UBASH3A: variants seen among roughly 807,000 people sequenced by gnomAD.
The protein encoded by UBASH3A is ubiquitin associated and SH3 domain containing A, also known as ubiquitin-associated and SH3 domain-containing protein A.
UBASH3A carries 63 observed loss-of-function variants against 73.5 expected under a neutral mutation model. The ratio of observed to expected loss-of-function variants is 0.86; its 90% CI spans 0.70 to 1.06. The LOEUF is 1.06. Among genes scored for constraint, UBASH3A ranks in the 50% least tolerant of loss-of-function variants. The probability of loss-of-function intolerance (pLI) is 0.00; values close to 1 mark genes in which losing one functional copy is unlikely to be tolerated. For synonymous variants in UBASH3A, 363 were observed against 351.1 expected (o/e 1.03, Z -0.38); for missense variants, 860 against 859.0 (o/e 1.00, Z -0.02).
intron 12 of UBASH3A, 104 bp downstream of exon 12, chr21:42,442,700 G>A: frequency 7.9e-7 from 1 of 1,272,100 alleles, no homozygotes; most frequent in Non-Finnish European, 1.1e-6. Context: ...ATTCAAGAGG[G>A]ACCACTGCAG....
At chr21:42,424,722 A>G (rs1232492473) in intron 7 of UBASH3A, among the ~76,000 whole-genome samples, 1 of 152,242 alleles carries the variant, frequency 6.6e-6, no homozygotes, top group Non-Finnish European at 1.5e-5. Flanking sequence ...ATTAAGGGCT[A>G]AATTGCATTC....
intron 1 of UBASH3A, chr21:42,404,303 C>T (rs2146477740): frequency 2.9e-6 from 1 of 341,362 alleles, no homozygotes; most frequent in Middle Eastern, 7.5e-4. Context: ...CATCATCCCA[C>T]CTCAGCCTCC....
intron 7 of UBASH3A, among the ~76,000 whole-genome samples, chr21:42,419,919 T>C (rs1184948855): frequency 6.6e-6 from 1 of 152,228 alleles, no homozygotes; most frequent in Admixed American, 6.5e-5. Context: ...TGAGCGTGTT[T>C]AAGGTAAGCT....
intron 7 of UBASH3A, among the ~76,000 whole-genome samples, chr21:42,419,349 C>T (rs939579506): frequency 1.2e-4 from 19 of 152,188 alleles, no homozygotes; most frequent in African/African-American, 4.1e-4. Context: ...TTTCCTCTCC[C>T]GCTTCACTAT....
chr21:42,430,357 C>G (rs1011137688), intron 8 of UBASH3A, among the ~76,000 whole-genome samples: 1 of 152,164 alleles, frequency 6.6e-6, no homozygotes, highest in African/African-American at 2.4e-5. Context: ...ATTTTCCTCT[C>G]TAGGATTTGG....
At chr21:42,415,988 T>C (rs912820812) in intron 5 of UBASH3A, among the ~76,000 whole-genome samples, 1 of 152,176 alleles carries the variant, frequency 6.6e-6, no homozygotes, top group African/African-American at 2.4e-5. Flanking sequence ...CTCCCAGGAC[T>C]TCCTGCTTCA....
chr21:42,417,861 T>C (rs971471975), intron 6 of UBASH3A, among the ~76,000 whole-genome samples: 2 of 142,742 alleles, frequency 1.4e-5, no homozygotes, highest in African/African-American at 2.8e-5. Flanking sequence ...ATGTATCTCT[T>C]TTTTTTTTCT....
At chr21:42,433,498 T>C (rs1361584057) in intron 9 of UBASH3A, among the ~76,000 whole-genome samples, 1 of 152,132 alleles carries the variant, frequency 6.6e-6, no homozygotes, top group Admixed American at 6.6e-5. Context: ...ATCCTTGTCC[T>C]CTCCTGAGCT....
intron 13 of UBASH3A, 89 bp from the exon 14 acceptor site, chr21:42,444,445 C>G (rs774045210): frequency 1.1e-4 from 112 of 976,252 alleles, no homozygotes; most frequent in Non-Finnish European, 1.4e-4. Flanking sequence ...TCTGAGATAG[C>G]TCTGCCCCCC....
chr21:42,425,028 T>C (rs1271410646), intron 7 of UBASH3A, among the ~76,000 whole-genome samples: 1 of 152,210 alleles, frequency 6.6e-6, no homozygotes, highest in Non-Finnish European at 1.5e-5. Context: ...TATGAGGGCA[T>C]CTGTGGCTGT....
chr21:42,430,419 G>T (rs1210698761), intron 8 of UBASH3A, among the ~76,000 whole-genome samples: 1 of 152,162 alleles, frequency 6.6e-6, no homozygotes, highest in Non-Finnish European at 1.5e-5. Flanking sequence ...TGCAGACAAG[G>T]CTTACCTCTC....
At chr21:42,414,271 C>T (rs989491955) in intron 5 of UBASH3A, among the ~76,000 whole-genome samples, 2 of 152,224 alleles carry the variant, frequency 1.3e-5, no homozygotes, top group Non-Finnish European at 2.9e-5. Flanking sequence ...ATCCCTGAAT[C>T]CTGGGCTTCC....
intron 2 of UBASH3A, among the ~76,000 whole-genome samples, chr21:42,408,589 C>T (rs963346646): frequency 6.6e-6 from 1 of 152,186 alleles, no homozygotes; most frequent in Non-Finnish European, 1.5e-5. Flanking sequence ...GCATCTTTTA[C>T]ACATTGAGCA....
At chr21:42,417,878 C>CTTTTTTTTTTTTTTTCTTTTTT (rs2053249562) in intron 6 of UBASH3A, among the ~76,000 whole-genome samples, 1 of 90,634 alleles carries the variant, frequency 1.1e-5, no homozygotes, top group African/African-American at 4.4e-5. Context: ...TTCTTTTTTT[C>CTTTTTTTTTTTTTTTCTTTTTT]TTTTTTTTTT....
intron 5 of UBASH3A, among the ~76,000 whole-genome samples, chr21:42,415,746 A>C (rs11700858): frequency 0.18 from 27,197 of 152,218 alleles, 2,675 homozygotes; most frequent in Middle Eastern, 0.25. Flanking sequence ...AAAGGGGGCA[A>C]AGTGCAGCCT....
intron 7 of UBASH3A, among the ~76,000 whole-genome samples, chr21:42,419,129 A>G (rs113924857): frequency 0.017 from 2,620 of 152,274 alleles, 78 homozygotes; most frequent in African/African-American, 0.059. Context: ...TGGGCTCCCC[A>G]CTGAGGCTTC....
In UBASH3A at chr21:42,421,119, C is replaced by G. The variant is rs374752466; in HGVS notation, c.1046+2510C>G. On this transcript the variant is annotated intron_variant, in intron 7 of 14. Transcript: ENST00000319294. ...GGTGGCTCTTGTGAGCTTTTTCACT[C>G]TCTTCTCCCAGGTTCCAGTTAGGAG... Among the ~76,000 whole-genome samples the G allele has an allele frequency of 9.2e-5, 14 of 152,364 alleles. No individual in the cohort carries two copies. In the East Asian group the frequency reaches 2.1e-3, roughly 23 times the overall value.
intron 12 of UBASH3A, chr21:42,443,054 T>A: frequency 8.6e-7 from 1 of 1,161,812 alleles, no homozygotes; most frequent in Non-Finnish European, 1.1e-6. Context: ...AAGGAGAGAG[T>A]CTTTGTCATT....
intron 11 of UBASH3A, among the ~76,000 whole-genome samples, chr21:42,438,205 G>A (rs2053663032): frequency 6.6e-6 from 1 of 152,200 alleles, no homozygotes; most frequent in Non-Finnish European, 1.5e-5. Context: ...GAGCATGGGT[G>A]ACATGCGAGA....
Sources: gnomAD v4.1 joint callset for allele counts (sites outside exome capture counted in the v4.1 genomes callset) on GRCh38, gnomAD v4.1.1 for gene constraint, MANE v1.5 for transcripts, NCBI Gene and HGNC (gene_info 2026-07-23, HGNC 2026-07-21) for gene names.